Variants in IMMP1L observed in about 807,000 individuals in gnomAD.
IMMP1L encodes the protein mitochondrial inner membrane protease subunit 1.
IMMP1L carries 24 observed loss-of-function variants against 21.8 expected under a neutral mutation model. That is an observed-to-expected ratio of 1.10 (90% CI 0.80 to 1.55). The LOEUF (loss-of-function observed/expected upper bound fraction) is 1.55. Ranked by LOEUF, IMMP1L falls within the 40% of genes most tolerant of loss-of-function variation. IMMP1L has a pLI of 0.00. For missense variants in IMMP1L, 195 were observed against 200.7 expected, an observed-to-expected ratio of 0.97 and a Z score of 0.17; for synonymous variants, 46 against 62.8, an observed-to-expected ratio of 0.73 and a Z score of 1.26.
chr11:31,445,995 T>C (rs929316727), intron 4 of IMMP1L, among the ~76,000 whole-genome samples: 1 of 152,178 alleles, frequency 6.6e-6, no homozygotes, highest in Non-Finnish European at 1.5e-5. Context: ...TGCTGTAAAA[T>C]TTAATTGCCA....
At chr11:31,490,540 A>G (rs1160554196) in intron 1 of IMMP1L, among the ~76,000 whole-genome samples, 1 of 152,122 alleles carries the variant, frequency 6.6e-6, no homozygotes, top group Non-Finnish European at 1.5e-5. Context: ...TGAGAAGAAA[A>G]GTGATTTTCC....
intron 4 of IMMP1L, among the ~76,000 whole-genome samples, chr11:31,450,273 GA>G: frequency 6.6e-6 from 1 of 152,176 alleles, no homozygotes. Flanking sequence ...AGTAGGCAAT[GA>G]ATGTTGCAAG....
At chr11:31,445,562 A>AT (rs757485219) in intron 4 of IMMP1L, among the ~76,000 whole-genome samples, 34 of 152,328 alleles carry the variant, frequency 2.2e-4, no homozygotes, top group Admixed American at 3.9e-4. Context: ...TTACTGATGC[A>AT]TTTTTTTAAA....
intron 1 of IMMP1L, among the ~76,000 whole-genome samples, chr11:31,488,498 C>G (rs745822442): frequency 1.3e-4 from 20 of 152,106 alleles, no homozygotes; most frequent in Non-Finnish European, 1.8e-4. Flanking sequence ...TATATGAGAT[C>G]AACCTAGAAA....
intron 1 of IMMP1L, among the ~76,000 whole-genome samples, chr11:31,506,864 G>A (rs1399602068): frequency 6.6e-6 from 1 of 152,006 alleles, no homozygotes; most frequent in African/African-American, 2.4e-5. Flanking sequence ...GGAGGCTGAG[G>A]CAGGAGGATC....
intron 2 of IMMP1L, among the ~76,000 whole-genome samples, chr11:31,462,715 GTTAC>G (rs1165812913): frequency 1.3e-5 from 2 of 152,156 alleles, no homozygotes; most frequent in African/African-American, 2.4e-5. Context: ...GAAATTTCAA[GTTAC>G]TTACTAACTG....
intron 1 of IMMP1L, among the ~76,000 whole-genome samples, chr11:31,468,257 T>C (rs1416272554): frequency 6.6e-6 from 1 of 152,072 alleles, no homozygotes; most frequent in Non-Finnish European, 1.5e-5. Flanking sequence ...ATATGCTACG[T>C]AGGAGAATGA....
At chr11:31,503,500 G>A (rs1282335311) in intron 1 of IMMP1L, among the ~76,000 whole-genome samples, 4 of 151,866 alleles carry the variant, frequency 2.6e-5, no homozygotes, top group Non-Finnish European at 4.4e-5. Context: ...AAAATCCCTA[G>A]CAAAATTAAC....
intron 1 of IMMP1L, among the ~76,000 whole-genome samples, chr11:31,492,163 C>A (rs761607203): frequency 6.6e-6 from 1 of 152,192 alleles, no homozygotes; most frequent in Non-Finnish European, 1.5e-5. Flanking sequence ...GTTTAATCTA[C>A]ATTGAAAATT....
At chr11:31,436,081 A>G (rs1056452066) in intron 4 of IMMP1L, among the ~76,000 whole-genome samples, 4 of 151,364 alleles carry the variant, frequency 2.6e-5, no homozygotes, top group Non-Finnish European at 4.4e-5. Flanking sequence ...ACTTTTGCAT[A>G]TATTAGTCTT....
chr11:31,467,857 T>C (rs540741405), intron 1 of IMMP1L, among the ~76,000 whole-genome samples: 17 of 151,120 alleles, frequency 1.1e-4, no homozygotes, highest in Middle Eastern at 3.4e-3. Flanking sequence ...CTTAACACAA[T>C]GACCAAATTT....
At position 31,440,105 on chromosome 11, in the gene IMMP1L, C is replaced by A. The variant is rs528635210; in HGVS notation, c.322-6535G>T. Among the ~76,000 whole-genome samples the A allele has an allele frequency of 1.8e-3, 270 of 152,204 alleles. 1 individual carries two copies. The highest frequency in any genetic ancestry group is 3.2e-3 in the Non-Finnish European group (220 of 68,010). On this transcript the variant is annotated intron_variant, in intron 4 of 5. Coordinates refer to ENST00000532287, the MANE Select transcript of IMMP1L (RefSeq NM_001304274.2). ...CCCAACCACTTAAGCATACCTGTACCCTAATCTTTGTCTCAACTCAGCAAA... is the reference window on the plus strand; with the variant it reads ...CCCAACCACTTAAGCATACCTGTACACTAATCTTTGTCTCAACTCAGCAAA...
At chr11:31,469,458 T>G (rs939866173) in intron 1 of IMMP1L, among the ~76,000 whole-genome samples, 1 of 151,998 alleles carries the variant, frequency 6.6e-6, no homozygotes, top group Admixed American at 6.6e-5. Context: ...AAAATATAAC[T>G]AAAATTAATG....
At chr11:31,500,610 CAA>C (rs559919910) in intron 1 of IMMP1L, among the ~76,000 whole-genome samples, 5,301 of 145,012 alleles carry the variant, frequency 0.037, 282 homozygotes, top group African/African-American at 0.13. Context: ...CACACACACA[CAA>C]ACACACACAC....
intron 4 of IMMP1L, among the ~76,000 whole-genome samples, chr11:31,444,361 T>G (rs1953443182): frequency 6.6e-6 from 1 of 152,188 alleles, no homozygotes; most frequent in Non-Finnish European, 1.5e-5. Context: ...CTCTGCAAAG[T>G]TAACTGTGCT....
chr11:31,486,376 T>C (rs762654354), intron 1 of IMMP1L, among the ~76,000 whole-genome samples: 3 of 151,924 alleles, frequency 2.0e-5, no homozygotes, highest in Non-Finnish European at 4.4e-5. Context: ...TGTTACTAAA[T>C]AGAATAAGTG....
At chr11:31,480,995 CA>C (rs1165678777) in intron 1 of IMMP1L, among the ~76,000 whole-genome samples, 1 of 152,038 alleles carries the variant, frequency 6.6e-6, no homozygotes, top group Non-Finnish European at 1.5e-5. Flanking sequence ...ATAAATTACA[CA>C]AACATGGAAT....
chr11:31,493,112 C>T (rs1223102), intron 1 of IMMP1L, among the ~76,000 whole-genome samples: 55,204 of 151,932 alleles, frequency 0.36, 12,334 homozygotes, highest in African/African-American at 0.63. Flanking sequence ...AGTTTTTCTA[C>T]AAAAAATGTT....
chr11:31,445,747 C>T (rs1282892218), intron 4 of IMMP1L, among the ~76,000 whole-genome samples: 5 of 147,782 alleles, frequency 3.4e-5, no homozygotes, highest in African/African-American at 1.3e-4. Flanking sequence ...TTTTTTGAGA[C>T]AGAGTCTCAC....
Sources: allele counts gnomAD v4.1 joint callset (sites outside exome capture counted in the v4.1 genomes callset), GRCh38; gene constraint gnomAD v4.1.1; transcripts MANE v1.5; gene names NCBI Gene and HGNC (gene_info 2026-07-23, HGNC 2026-07-21).